Variants in ARHGEF7 observed in about 807,000 individuals in gnomAD.
ARHGEF7 encodes the protein Rho guanine nucleotide exchange factor 7.
In ARHGEF7, 33 loss-of-function variants were observed where a neutral mutation model predicts 109.8. The ratio of observed to expected loss-of-function variants is 0.30; its 90% CI spans 0.23 to 0.40. The LOEUF is 0.40. Among genes scored for constraint, ARHGEF7 ranks in the 10% least tolerant of loss-of-function variants. The probability of loss-of-function intolerance (pLI) is 1.00; values close to 1 mark genes in which losing one functional copy is unlikely to be tolerated. For missense variants in ARHGEF7, 938 were observed against 1,098.5 expected, an observed-to-expected ratio of 0.85 and a Z score of 2.07; for synonymous variants, 458 against 424.6, an observed-to-expected ratio of 1.08 and a Z score of -0.97.
intron 2 of ARHGEF7, among the ~76,000 whole-genome samples, chr13:111,181,465 G>T (rs570448730): frequency 7.4e-4 from 112 of 152,334 alleles, no homozygotes; most frequent in African/African-American, 2.4e-3. Flanking sequence ...AAAGTCATGA[G>T]ATCCTTTGAC....
chr13:111,225,624 G>A (rs1448896553), intron 5 of ARHGEF7, among the ~76,000 whole-genome samples: 4 of 151,780 alleles, frequency 2.6e-5, no homozygotes, highest in South Asian at 4.2e-4. Context: ...ATTCTTGCAC[G>A]ATTTCACAGC....
chr13:111,172,626 A>C (rs1185910622), intron 2 of ARHGEF7, among the ~76,000 whole-genome samples: 1 of 152,208 alleles, frequency 6.6e-6, no homozygotes, highest in Non-Finnish European at 1.5e-5. Context: ...TCTTGCAGTA[A>C]ATTTGAACTG....
chr13:111,207,842 G>A (rs2082070769), intron 3 of ARHGEF7, among the ~76,000 whole-genome samples: 1 of 152,182 alleles, frequency 6.6e-6, no homozygotes, highest in Admixed American at 6.5e-5. Context: ...TTTTGTATAT[G>A]TTCTTGGTAT....
At chr13:111,198,663 G>A (rs895954570) in intron 2 of ARHGEF7, among the ~76,000 whole-genome samples, 1 of 152,174 alleles carries the variant, frequency 6.6e-6, no homozygotes, top group Non-Finnish European at 1.5e-5. Flanking sequence ...GAGTGTTACA[G>A]CTCATAAAGG....
At chr13:111,219,178 C>G (rs180923378) in intron 5 of ARHGEF7, among the ~76,000 whole-genome samples, 3 of 152,194 alleles carry the variant, frequency 2.0e-5, no homozygotes, top group African/African-American at 4.8e-5. Context: ...TCCCCATTCC[C>G]CTCCCCAGCC....
At chr13:111,262,657 C>T (rs559494518) in intron 8 of ARHGEF7, among the ~76,000 whole-genome samples, 2 of 152,224 alleles carry the variant, frequency 1.3e-5, no homozygotes, top group Non-Finnish European at 2.9e-5. Context: ...TAGGAGTAAA[C>T]ATGTTACGGG....
intron 2 of ARHGEF7, among the ~76,000 whole-genome samples, chr13:111,202,052 G>C (rs1189093502): frequency 3.9e-5 from 6 of 152,150 alleles, no homozygotes; most frequent in Non-Finnish European, 8.8e-5. Flanking sequence ...TTTCATTTTG[G>C]GAGTATCGGA....
At chr13:111,278,107 T>C (rs114502886) in intron 13 of ARHGEF7, among the ~76,000 whole-genome samples, 3,337 of 152,314 alleles carry the variant, frequency 0.022, 125 homozygotes, top group African/African-American at 0.077. Context: ...GAAAGTGATG[T>C]AAGGGTGTAA....
intron 5 of ARHGEF7, among the ~76,000 whole-genome samples, chr13:111,218,301 A>G (rs1229174188): frequency 1.3e-5 from 2 of 151,890 alleles, no homozygotes; most frequent in East Asian, 3.9e-4. Context: ...TTCTCTTTGT[A>G]CTAGTGATAG....
chr13:111,164,054 C>T (rs2076943138), intron 2 of ARHGEF7, among the ~76,000 whole-genome samples: 2 of 145,784 alleles, frequency 1.4e-5, no homozygotes, highest in Non-Finnish European at 1.5e-5. Flanking sequence ...TTGCGTGTTG[C>T]GTTTGGATTA....
chr13:111,280,779 G>A (rs1459921094), intron 15 of ARHGEF7, 102 bp downstream of exon 15: 28 of 1,309,506 alleles, frequency 2.1e-5, no homozygotes, highest in South Asian at 3.2e-5. Flanking sequence ...ATCAATATTT[G>A]GATAAAAAGT....
At chr13:111,144,827 G>A (rs566796056) in intron 1 of ARHGEF7, 1 of 152,230 alleles carries the variant, frequency 6.6e-6, no homozygotes, top group Non-Finnish European at 1.5e-5. Context: ...AGTGGTCATC[G>A]TCTTCTTCTC....
chr13:111,284,616 T>A (rs1282951181), intron 16 of ARHGEF7, among the ~76,000 whole-genome samples: 1 of 152,146 alleles, frequency 6.6e-6, no homozygotes, highest in Non-Finnish European at 1.5e-5. Context: ...GGTATTGAAG[T>A]GAAGATAAAC....
intron 4 of ARHGEF7, among the ~76,000 whole-genome samples, chr13:111,212,247 C>T (rs2082589534): frequency 6.6e-6 from 1 of 152,138 alleles, no homozygotes; most frequent in Admixed American, 6.5e-5. Context: ...GGTGCCCCTC[C>T]ACCATTCCAA....
In ARHGEF7 at chr13:111,154,003, C is replaced by T; in HGVS notation, c.252+12C>T. 1 of 1,593,992 alleles carries T rather than the reference C, an allele frequency of 6.3e-7. No homozygotes were observed. The highest frequency in any genetic ancestry group is 8.5e-7 in the Non-Finnish European group (1 of 1,173,762). On this transcript the variant is annotated intron_variant, in intron 2 of 21. Coordinates refer to ENST00000646102, the MANE Select transcript of ARHGEF7 (RefSeq NM_001354046.2). ...CCCTGCGGCTGGAGGTGAGCGCGGG[C>T]GGCCACGGGCCGAGGGAGGGGCCGG...
chr13:111,257,646 G>C (rs761045511), intron 8 of ARHGEF7, among the ~76,000 whole-genome samples: 2 of 152,336 alleles, frequency 1.3e-5, no homozygotes, highest in East Asian at 1.9e-4. Context: ...ACGGTGCCTG[G>C]TTCTAACTTC....
intron 4 of ARHGEF7, among the ~76,000 whole-genome samples, chr13:111,214,289 GCCTGC>G (rs1311746619): frequency 2.6e-5 from 4 of 152,218 alleles, no homozygotes. Context: ...TTCCATTCAG[GCCTGC>G]CCTGGCCTCA....
intron 16 of ARHGEF7, among the ~76,000 whole-genome samples, chr13:111,285,693 A>G (rs1311337683): frequency 6.6e-6 from 1 of 152,148 alleles, no homozygotes; most frequent in East Asian, 1.9e-4. Context: ...TCTTAAAGCA[A>G]TTATTTTTTA....
At chr13:111,233,401 G>A in intron 6 of ARHGEF7, 108 bp downstream of exon 6, 1 of 874,578 alleles carries the variant, frequency 1.1e-6, no homozygotes, top group Non-Finnish European at 1.9e-6. Flanking sequence ...AGGAAATAAA[G>A]TTCATTCATC....
Sources: allele counts gnomAD v4.1 joint callset (sites outside exome capture counted in the v4.1 genomes callset), GRCh38; gene constraint gnomAD v4.1.1; transcripts MANE v1.5; gene names NCBI Gene and HGNC (gene_info 2026-07-23, HGNC 2026-07-21).